The following BEST2 variants were observed in gnomAD, a reference collection of about 807,000 sequenced individuals.
BEST2 encodes the protein bestrophin 2, also known as bestrophin-2a.
BEST2 carries 36 observed loss-of-function variants against 49.0 expected under a neutral mutation model. The ratio of observed to expected loss-of-function variants is 0.73; its 90% CI spans 0.56 to 0.97. The LOEUF (loss-of-function observed/expected upper bound fraction) is 0.97. Ranked by LOEUF, BEST2 falls within the 50% of genes least tolerant of loss-of-function variation. BEST2 has a pLI of 0.00. For synonymous variants in BEST2, 335 were observed against 304.4 expected, an observed-to-expected ratio of 1.10 and a Z score of -1.05; for missense variants, 672 against 710.0, an observed-to-expected ratio of 0.95 and a Z score of 0.61.
In BEST2 at chr19:12,755,603, C is replaced by G. The variant is rs760253225; in HGVS notation, c.715-12C>G. On this transcript the variant is annotated splice_polypyrimidine_tract_variant and intron_variant, in intron 6 of 9. Coordinates refer to ENST00000553030, the MANE Select transcript of BEST2 (RefSeq NM_017682.3). The surrounding 1 kb of genome is among the most constrained non-coding windows in gnomAD (Gnocchi z 4.4). ...CCAATGACCCCCCTGAGCCCTGCCC[C>G]GCCCTGCCCAGGTGGTGACCATCGC... is the stretch of plus-strand genomic sequence containing the variant. 6.2e-7 allele frequency: 1 copy of G among 1,611,374 alleles called. No homozygotes were observed. Among genetic ancestry groups the G allele is most frequent in the South Asian group, 1.1e-5 (1 of 90,996 alleles).
chr19:12,752,268 G>C (rs556828068), intron 1 of BEST2, among the ~76,000 whole-genome samples: 1 of 151,980 alleles, frequency 6.6e-6, no homozygotes, highest in Admixed American at 6.6e-5. Context: ...GGGTGAAGGG[G>C]ATCGGGCAGA....
intron 3 of BEST2, among the ~76,000 whole-genome samples, chr19:12,754,063 T>TC (rs1967904456): frequency 2.9e-5 from 1 of 34,626 alleles, no homozygotes; most frequent in Non-Finnish European, 5.9e-5. Flanking sequence ...CTGCTCTGCC[T>TC]TTTTTTTTTT....
At position 12,757,944 on chromosome 19, in the gene BEST2, C is replaced by A. The variant is rs1266898005; in HGVS notation, c.1397C>A (p.Ala466Glu). The A allele has an allele frequency of 1.9e-6, 3 of 1,588,674 alleles. No individual in the cohort carries two copies. Among genetic ancestry groups the A allele is most frequent in the South Asian group, 1.1e-5 (1 of 87,924 alleles). The change falls in exon 10 of 10, where the codon GCG becomes GAG. Residue 466 changes from alanine to glutamate, a missense_variant. This residue lies in a region of BEST2 where 291 missense variants were observed against 279.8 expected (regional missense o/e 1.04). Coordinates refer to ENST00000553030, the MANE Select transcript of BEST2 (RefSeq NM_017682.3). Reference protein sequence around the residue: ...GLPEPEAPPPAGPEPLTLIPG... With the variant: ...GLPEPEAPPPEGPEPLTLIPG... ...CCGGAGCCCGAGGCCCCGCCCCCTG[C>A]GGGTCCCGAACCGCTTACCCTCATC...
chr19:12,757,592 G>A, intron 9 of BEST2, 59 bp from the exon 10 acceptor site: 3 of 1,493,746 alleles, frequency 2.0e-6, no homozygotes, highest in Non-Finnish European at 2.7e-6. Context: ...GCGCGCCTGG[G>A]ACCCTGCTCT....
At position 12,758,043 on chromosome 19, in the gene BEST2, G is replaced by T; in HGVS notation, c.1496G>T (p.Ser499Ile). The stretch of plus-strand genomic sequence containing the variant: ...GGTCCGGCGCCACCCTGGCTGCCCA[G>T]CCCTATTGGCGAGGAGGAGGAGAAT... ...PRGPAPPWLP[S>I]PIGEEEENLA The change falls in exon 10 of 10, where the codon AGC becomes ATC. Residue 499 changes from serine (S) to isoleucine (I), a missense_variant. Transcript: ENST00000553030. 1 of 1,613,258 alleles carries T rather than the reference G, an allele frequency of 6.2e-7. No homozygotes were observed.
intron 4 of BEST2, 21 bp downstream of exon 4, chr19:12,754,806 A>G: frequency 6.3e-7 from 1 of 1,579,530 alleles, no homozygotes; most frequent in Non-Finnish European, 8.6e-7. Context: ...GGCCAGAGGC[A>G]GGGCAGAGAC....
Position 12,758,077 on chromosome 19 carries a change from A to T in BEST2, c.1530A>T (p.Ter510CysextTer26). The change falls in exon 10 of 10, where the codon TGA becomes TGT. Residue 510 changes from the stop codon to cysteine, a stop_lost. Coordinates refer to ENST00000553030, the MANE Select transcript of BEST2 (RefSeq NM_017682.3). Reference sequence around the variant, plus strand: ...GCGAGGAGGAGGAGAATCTGGCCTGAGATCTTAGAGCCCAGCCCCCTAAGG... The same window carrying T: ...GCGAGGAGGAGGAGAATCTGGCCTGTGATCTTAGAGCCCAGCCCCCTAAGG... ...PIGEEEENLA[*>C] The T allele has an allele frequency of 6.2e-7, 1 of 1,612,424 alleles. No individual in the cohort carries two copies. The highest frequency in any genetic ancestry group is 8.5e-7 in the Non-Finnish European group (1 of 1,179,724).
intron 1 of BEST2, 114 bp from the exon 2 acceptor site, chr19:12,752,428 G>T (rs1967879000): frequency 3.0e-6 from 2 of 664,110 alleles, no homozygotes; most frequent in Non-Finnish European, 5.1e-6. Context: ...ACTGAGTAAA[G>T]CTGGGAGGAG....
In BEST2 at chr19:12,754,698, G is replaced by A; in HGVS notation, c.394G>A (p.Ala132Thr). 4 of 1,586,538 alleles carry A rather than the reference G, an allele frequency of 2.5e-6. No homozygotes were observed. The highest frequency in any genetic ancestry group is 2.7e-5 in the African/African-American group (2 of 74,582). The change falls in exon 4 of 10, where the codon GCA becomes ACA. Residue 132 changes from alanine (A) to threonine (T), a missense_variant. Ala to Thr is a moderately conservative substitution (Grantham distance 58, BLOSUM62 0). This residue lies in a region of BEST2 where 365 missense variants were observed against 390.9 expected (regional missense o/e 0.93). Coordinates refer to ENST00000553030, the MANE Select transcript of BEST2 (RefSeq NM_017682.3). ...RLYRRTLMRY[A>T]GLSAVLILRS... ...CTACCGGCGCACACTCATGCGCTACGCAGGGCTCTCGGCCGTGCTCATCCT... is the reference window on the plus strand; with the variant it reads ...CTACCGGCGCACACTCATGCGCTACACAGGGCTCTCGGCCGTGCTCATCCT...
Position 12,753,338 on chromosome 19 carries a change from T to C in BEST2, c.231T>C (p.Pro77=). 6.2e-7 allele frequency: 1 copy of C among 1,614,166 alleles called. No individual in the cohort carries two copies. The highest frequency in any genetic ancestry group is 8.5e-7 in the Non-Finnish European group (1 of 1,180,006). ...GTGACCAGTATGCCAGCCTCATCCC[T>C]GTCTCCTTCGTGCTTGGTGCGGTCC... is the stretch of plus-strand genomic sequence containing the variant. ...IYCDQYASLI[P]VSFVLGFYVT... is the part of the protein sequence containing the mutation. Residue 77 remains proline, a synonymous_variant, in exon 3 of 10, where the codon CCT becomes CCC. Coordinates refer to ENST00000553030, the MANE Select transcript of BEST2 (RefSeq NM_017682.3).
At chr19:12,754,062 C>CTTTTTTTTTT (rs36076549) in intron 3 of BEST2, among the ~76,000 whole-genome samples, 4 of 54,456 alleles carry the variant, frequency 7.3e-5, no homozygotes, top group Non-Finnish European at 1.4e-4. Context: ...GCTGCTCTGC[C>CTTTTTTTTTT]TTTTTTTTTT....
chr19:12,757,930 G>T lies in BEST2; in HGVS notation c.1383G>T (p.Glu461Asp). 1 of 1,573,680 alleles carries T rather than the reference G, an allele frequency of 6.4e-7. No individual in the cohort carries two copies. ...PLLDPGLPEP[E>D]APPPAGPEPL... ...TCGACCCCGGCCTGCCGGAGCCCGA[G>T]GCCCCGCCCCCTGCGGGTCCCGAAC... Residue 461 changes from glutamate (E) to aspartate (D), a missense_variant, in exon 10 of 10, where the codon GAG becomes GAT. Around this residue, in one of 3 missense-constraint regions of BEST2, gnomAD observed 291 missense variants for 279.8 expected, o/e 1.04. Coordinates refer to ENST00000553030, the MANE Select transcript of BEST2 (RefSeq NM_017682.3).
rs1285196310 is a variant in BEST2 at position 12,752,541 on chromosome 19, GC to G, written c.-47del. The G allele has an allele frequency of 6.9e-6, 11 of 1,591,384 alleles. No individual in the cohort carries two copies. In the East Asian group the frequency reaches 1.8e-4, roughly 26 times the overall value. On this transcript the variant is annotated splice_region_variant and 5_prime_UTR_variant, in exon 2 of 10. Coordinates refer to ENST00000553030, the MANE Select transcript of BEST2 (RefSeq NM_017682.3). Reference sequence around the variant, plus strand: ...CCGCACCTCTCCACCCACACCCGCAGCCCCCACCCGGGCCACCCACTCTCCC... The same window carrying G: ...CCGCACCTCTCCACCCACACCCGCAGCCCCACCCGGGCCACCCACTCTCCC...
intron 9 of BEST2, 186 bp downstream of exon 9, chr19:12,756,481 A>C (rs1599459143): frequency 5.1e-6 from 4 of 785,724 alleles, no homozygotes; most frequent in African/African-American, 1.7e-5. Context: ...AGACTGGGCC[A>C]CTGACTGGGG....
Position 12,755,398 on chromosome 19 carries a change from G to A in BEST2, c.656G>A (p.Gly219Asp), listed in dbSNP as rs952366736. Residue 219 changes from glycine to aspartate, a missense_variant, in exon 6 of 10, where the codon GGC (glycine) becomes GAC (aspartate). By Grantham distance (94) the Gly-to-Asp change is moderately conservative. Transcript: ENST00000553030. The surrounding 1 kb of genome is among the most constrained non-coding windows in gnomAD (Gnocchi z 4.4). ...LLLEELNVFRGKCGMLFHYDW... is the reference protein window; with the variant it reads ...LLLEELNVFRDKCGMLFHYDW... The stretch of plus-strand genomic sequence containing the variant: ...CCCCAGGAGCTGAATGTTTTTCGGG[G>A]CAAATGTGGAATGCTCTTTCACTAT... 1 of 1,614,138 alleles carries A rather than the reference G, an allele frequency of 6.2e-7. No homozygotes were observed. Among genetic ancestry groups the A allele is most frequent in the South Asian group, 1.1e-5 (1 of 91,088 alleles).
intron 2 of BEST2, among the ~76,000 whole-genome samples, chr19:12,752,947 C>A (rs1967888931): frequency 1.3e-5 from 2 of 149,252 alleles, no homozygotes; most frequent in Admixed American, 1.3e-4. Context: ...CTCCCGGGTT[C>A]AAGCGATTCT....
rs1967916066 is a variant in BEST2, at chr19:12,754,737, A to AC, written c.435dup (p.Ala146ArgfsTer27). The AC allele has an allele frequency of 3.1e-6, 5 of 1,592,648 alleles. No homozygotes were observed. The East Asian group carries it at 1.1e-4, about 36-fold the overall frequency. On this transcript the variant is annotated frameshift_variant, in exon 4 of 10. Transcript: ENST00000553030. LOFTEE classifies it high-confidence loss of function. ...CGTGCTCATCCTGCGCTCCGTCAGC[A>AC]CCGCGGTGTTCAAGCGCTTCCCCAC...
rs754679351 is a variant in BEST2 at position 12,755,756 on chromosome 19, G to A, written c.856G>A (p.Gly286Ser). 3.7e-6 allele frequency: 6 copies of A among 1,614,056 alleles called. No homozygotes were observed. The highest frequency in any genetic ancestry group is 5.1e-6 in the Non-Finnish European group (6 of 1,179,976). Reference protein sequence around the residue: ...FTLLQFFFYAGWLKVAEQLIN... With the variant: ...FTLLQFFFYASWLKVAEQLIN... ...CCTCTTGCAGTTCTTCTTCTACGCC[G>A]GCTGGCTCAAGGTAGGTGGGTGATC... The change falls in exon 7 of 10, where the codon GGC becomes AGC. Residue 286 changes from glycine (G) to serine (S), a missense_variant. By Grantham distance (56) the Gly-to-Ser change is moderately conservative. Transcript: ENST00000553030. This position sits in a 1 kb window ranked among gnomAD's most constrained non-coding sequence, Gnocchi z 4.4.
At position 12,754,753 on chromosome 19, in the gene BEST2, G is replaced by C. The variant is rs1185484635; in HGVS notation, c.449G>C (p.Arg150Pro). The change falls in exon 4 of 10, where the codon CGC (arginine) becomes CCC (proline). Residue 150 changes from arginine to proline, a missense_variant. Transcript: ENST00000553030. ...TCCGTCAGCACCGCGGTGTTCAAGC[G>C]CTTCCCCACCATAGACCACGTGGTG... ...LRSVSTAVFK[R>P]FPTIDHVVEA... is the part of the protein sequence containing the mutation. The C allele has an allele frequency of 1.1e-5, 18 of 1,589,482 alleles. No individual in the cohort carries two copies. Among genetic ancestry groups the C allele is most frequent in the Non-Finnish European group, 1.5e-5 (17 of 1,167,830 alleles).
Sources: allele counts gnomAD v4.1 joint callset (sites outside exome capture counted in the v4.1 genomes callset), GRCh38; gene constraint gnomAD v4.1.1; regional missense constraint gnomAD v4.1.1; non-coding constraint Gnocchi (gnomAD v3.1); transcripts MANE v1.5; gene names NCBI Gene and HGNC (gene_info 2026-07-23, HGNC 2026-07-21).